SAMD12: variants seen among roughly 807,000 people sequenced by gnomAD.
The protein encoded by SAMD12 is sterile alpha motif domain containing 12.
SAMD12 carries 9 observed loss-of-function variants against 15.0 expected under a neutral mutation model. The ratio of observed to expected loss-of-function variants is 0.60; its 90% CI spans 0.36 to 1.05. The LOEUF (loss-of-function observed/expected upper bound fraction) is 1.05, where lower values mean the gene tolerates loss of function less well. Among genes scored for constraint, SAMD12 ranks in the 50% least tolerant of loss-of-function variants. The pLI is 0.01. For missense variants in SAMD12, 230 were observed against 234.2 expected, an observed-to-expected ratio of 0.98 and a Z score of 0.12; for synonymous variants, 86 against 90.1, an observed-to-expected ratio of 0.96 and a Z score of 0.25.
At chr8:118,415,820 G>A (rs888187750) in intron 3 of SAMD12, among the ~76,000 whole-genome samples, 11 of 152,104 alleles carry the variant, frequency 7.2e-5, no homozygotes, top group East Asian at 1.9e-4. Context: ...CATTCCACAC[G>A]CAGAAGTGGC....
rs1293041245 is a variant in SAMD12, at chr8:118,483,300, C to G, written c.193-43339G>C. 2.0e-5 allele frequency among the ~76,000 whole-genome samples: 3 copies of G among 152,330 alleles called. No homozygotes were observed. In the East Asian group the frequency reaches 5.8e-4, roughly 29 times the overall value. The stretch of plus-strand genomic sequence containing the variant: ...CTACACTTGACATTTTAAGGAGACA[C>G]TATTTTGCATTAACATGTACTTTTT... On this transcript the variant is annotated intron_variant, in intron 2 of 3. Transcript: ENST00000314727.
At chr8:118,320,820 A>ATATAT (rs1554631082) in intron 4 of SAMD12, among the ~76,000 whole-genome samples, 26 of 123,110 alleles carry the variant, frequency 2.1e-4, no homozygotes, top group Admixed American at 7.7e-4. Flanking sequence ...GTATAATAAA[A>ATATAT]ATATATATAT....
At chr8:118,433,485 C>A (rs1444101007) in intron 3 of SAMD12, among the ~76,000 whole-genome samples, 4 of 150,312 alleles carry the variant, frequency 2.7e-5, no homozygotes, top group African/African-American at 7.3e-5. Flanking sequence ...ACTCAGAATT[C>A]TTTTCCCCTG....
Position 118,379,047 on chromosome 8 carries a change from C to G in SAMD12, c.*370G>C. The G allele has an allele frequency of 1.9e-6, 2 of 1,034,378 alleles. No individual in the cohort carries two copies. The highest frequency in any genetic ancestry group is 2.3e-6 in the Non-Finnish European group (2 of 857,544). 64.1% of individuals were successfully genotyped at this position (1,034,378 alleles called of 1,614,324 possible). A position where few individuals can be genotyped will look rare whatever the true frequency, so the allele number is the denominator to read the frequency against. ...TACATTCATGTATAGTAATACATAT[C>G]TAAAATGTTTTTCTCCCACTAACCG... is the stretch of plus-strand genomic sequence containing the variant. On this transcript the variant is annotated 3_prime_UTR_variant, in exon 4 of 4. Transcript: ENST00000314727.
chr8:118,202,648 GC>G (rs1317643076), intron 4 of SAMD12, among the ~76,000 whole-genome samples: 1 of 152,154 alleles, frequency 6.6e-6, no homozygotes, highest in Non-Finnish European at 1.5e-5. Flanking sequence ...TATCCAGGCA[GC>G]CCCACGTCTC....
At chr8:118,136,355 C>T in the SAMD12 span, among the ~76,000 whole-genome samples, 1 of 152,170 alleles carries the variant, frequency 6.6e-6, no homozygotes, top group African/African-American at 2.4e-5. Flanking sequence ...TTGATACTTA[C>T]GTCAATTCTC....
the SAMD12 span, among the ~76,000 whole-genome samples, chr8:118,148,895 T>C: frequency 1.3e-5 from 2 of 152,250 alleles, no homozygotes; most frequent in East Asian, 1.9e-4. Flanking sequence ...GTAGTTCTAT[T>C]GTACGGTTAT....
At chr8:118,595,718 G>A (rs1194391130) in intron 1 of SAMD12, among the ~76,000 whole-genome samples, 2 of 152,158 alleles carry the variant, frequency 1.3e-5, no homozygotes, top group African/African-American at 4.8e-5. Flanking sequence ...TCTCCCATGA[G>A]TCAATTAACA....
intron 4 of SAMD12, among the ~76,000 whole-genome samples, chr8:118,256,664 G>C (rs1183444860): frequency 2.6e-5 from 4 of 151,910 alleles, no homozygotes; most frequent in African/African-American, 9.7e-5. Context: ...TCTTAAAAGA[G>C]TATAAAAAAC....
At chr8:118,430,431 C>T (rs949793909) in intron 3 of SAMD12, among the ~76,000 whole-genome samples, 3 of 151,196 alleles carry the variant, frequency 2.0e-5, no homozygotes, top group Non-Finnish European at 4.4e-5. Context: ...GGCATGATCT[C>T]GGCTCACTGC....
intron 2 of SAMD12, among the ~76,000 whole-genome samples, chr8:118,548,670 T>A (rs1826215202): frequency 6.6e-6 from 1 of 152,148 alleles, no homozygotes; most frequent in Admixed American, 6.5e-5. Context: ...TGCCAGAGAG[T>A]GGGCGCAGGT....
chr8:118,192,298 C>T (rs1243083605), exon 5 of SAMD12: 8 of 152,254 alleles, frequency 5.3e-5, no homozygotes, highest in African/African-American at 1.9e-4. Context: ...TGGACTTCTA[C>T]ATTTGGTAGA....
chr8:118,501,770 A>G (rs149395165), intron 2 of SAMD12, among the ~76,000 whole-genome samples: 3,593 of 152,186 alleles, frequency 0.024, 117 homozygotes, highest in African/African-American at 0.076. Flanking sequence ...TAATCCCAGC[A>G]CTTTGGGAAG....
At chr8:118,198,869 A>G (rs1366159258) in intron 4 of SAMD12, among the ~76,000 whole-genome samples, 1 of 152,026 alleles carries the variant, frequency 6.6e-6, no homozygotes, top group African/African-American at 2.4e-5. Context: ...TTCCATTCCT[A>G]GGAGTATATC....
intron 2 of SAMD12, among the ~76,000 whole-genome samples, chr8:118,495,239 C>T (rs1445277008): frequency 5.9e-5 from 9 of 152,152 alleles, no homozygotes; most frequent in Non-Finnish European, 1.2e-4. Context: ...GGGACATATG[C>T]CCCTGTCAAA....
intron 4 of SAMD12, among the ~76,000 whole-genome samples, chr8:118,341,330 C>T (rs777199670): frequency 3.6e-4 from 55 of 152,178 alleles, no homozygotes; most frequent in Non-Finnish European, 6.6e-4. Context: ...AGAGCAGTCA[C>T]TAAGCCTTTC....
At chr8:118,253,396 T>A (rs1255618417) in intron 4 of SAMD12, among the ~76,000 whole-genome samples, 1 of 152,222 alleles carries the variant, frequency 6.6e-6, no homozygotes, top group Non-Finnish European at 1.5e-5. Flanking sequence ...TTAAATAAAT[T>A]ATCTACAGTA....
At chr8:118,183,005 G>A in the SAMD12 span, among the ~76,000 whole-genome samples, 31 of 152,178 alleles carry the variant, frequency 2.0e-4, no homozygotes, top group South Asian at 1.5e-3. Flanking sequence ...CTAGTTTTTC[G>A]GATACTCTTA....
At chr8:118,546,598 T>G (rs189681503) in intron 2 of SAMD12, among the ~76,000 whole-genome samples, 131 of 152,312 alleles carry the variant, frequency 8.6e-4, no homozygotes, top group African/African-American at 2.1e-3. Context: ...CAATGAGACA[T>G]TTCTAGAAGA....
Sources: gnomAD v4.1 joint callset for allele counts (sites outside exome capture counted in the v4.1 genomes callset) on GRCh38, gnomAD v4.1.1 for gene constraint, MANE v1.5 for transcripts, NCBI Gene and HGNC (gene_info 2026-07-23, HGNC 2026-07-21) for gene names.